ANKS1B: variants seen among roughly 807,000 people sequenced by gnomAD.
ANKS1B encodes ankyrin repeat and sterile alpha motif domain-containing protein 1B.
In ANKS1B, 36 loss-of-function variants were observed where a neutral mutation model predicts 148.3. That is an observed-to-expected ratio of 0.24 (90% CI 0.19 to 0.32). ANKS1B has a LOEUF of 0.32. ANKS1B is among the 10% of genes least tolerant of loss of function. The pLI, the probability that ANKS1B is intolerant of heterozygous loss-of-function variation, is 1.00. For synonymous variants in ANKS1B, 542 were observed against 560.8 expected (o/e 0.97, Z 0.47); for missense variants, 1,157 against 1,542.6 (o/e 0.75, Z 4.19).
intron 12 of ANKS1B, among the ~76,000 whole-genome samples, chr12:99,320,710 C>A (rs2085093498): frequency 6.6e-6 from 1 of 152,184 alleles, no homozygotes; most frequent in African/African-American, 2.4e-5. Context: ...TCATCAAAGT[C>A]ATTTTCCGTT....
intron 8 of ANKS1B, among the ~76,000 whole-genome samples, chr12:99,756,483 C>T (rs1297567761): frequency 1.3e-5 from 2 of 151,950 alleles, no homozygotes; most frequent in African/African-American, 4.8e-5. Context: ...GAATCAATAT[C>T]GTGAAAATGG....
chr12:98,877,247 T>C (rs181820882), intron 17 of ANKS1B, among the ~76,000 whole-genome samples: 67 of 152,332 alleles, frequency 4.4e-4, no homozygotes, highest in African/African-American at 1.6e-3. Flanking sequence ...GGAAATTCTG[T>C]CTAAGAAGGA....
intron 1 of ANKS1B, among the ~76,000 whole-genome samples, chr12:99,963,152 G>A (rs1224796518): frequency 6.6e-6 from 1 of 152,186 alleles, no homozygotes; most frequent in Non-Finnish European, 1.5e-5. Flanking sequence ...CCACGTAAAT[G>A]TCTTCTTTTG....
At chr12:99,265,251 G>C (rs957022405) in intron 12 of ANKS1B, among the ~76,000 whole-genome samples, 1 of 152,120 alleles carries the variant, frequency 6.6e-6, no homozygotes, top group Non-Finnish European at 1.5e-5. Context: ...AAAATTCTTA[G>C]GCCTTGCTCT....
chr12:99,456,207 C>T (rs2095845604), intron 10 of ANKS1B, among the ~76,000 whole-genome samples: 1 of 152,054 alleles, frequency 6.6e-6, no homozygotes, highest in Non-Finnish European at 1.5e-5. Context: ...AAGCCCCATC[C>T]CTAGGGGAAA....
chr12:99,213,437 C>A (rs1004285697), intron 14 of ANKS1B, among the ~76,000 whole-genome samples: 2 of 152,190 alleles, frequency 1.3e-5, no homozygotes, highest in Non-Finnish European at 2.9e-5. Context: ...CGAAGTCTAG[C>A]AGCACTGGGG....
chr12:99,343,566 T>C (rs1235906309), intron 12 of ANKS1B, among the ~76,000 whole-genome samples: 1 of 152,062 alleles, frequency 6.6e-6, no homozygotes, highest in African/African-American at 2.4e-5. Context: ...TCTCAGCATC[T>C]ACAACCTTTT....
At chr12:99,521,672 T>C (rs2096876150) in intron 9 of ANKS1B, among the ~76,000 whole-genome samples, 2 of 152,194 alleles carry the variant, frequency 1.3e-5, no homozygotes, top group African/African-American at 4.8e-5. Context: ...GCAGAGACTC[T>C]TGTTCTCTTT....
At chr12:99,592,853 G>A (rs1232774488) in intron 9 of ANKS1B, among the ~76,000 whole-genome samples, 2 of 152,074 alleles carry the variant, frequency 1.3e-5, no homozygotes, top group Non-Finnish European at 2.9e-5. Context: ...ATACCTGAAA[G>A]ATATACATTG....
At chr12:99,301,286 C>A (rs1487603664) in intron 12 of ANKS1B, among the ~76,000 whole-genome samples, 1 of 152,178 alleles carries the variant, frequency 6.6e-6, no homozygotes, top group Non-Finnish European at 1.5e-5. Context: ...CCCACATAGA[C>A]ATACACAGAA....
At chr12:99,307,741 C>T (rs2082552471) in intron 12 of ANKS1B, among the ~76,000 whole-genome samples, 4 of 151,456 alleles carry the variant, frequency 2.6e-5, no homozygotes, top group Admixed American at 1.3e-4. Context: ...CAAGAATTGA[C>T]ATGCTGATAT....
intron 14 of ANKS1B, among the ~76,000 whole-genome samples, chr12:99,190,486 A>G (rs1160640869): frequency 6.6e-6 from 1 of 152,202 alleles, no homozygotes; most frequent in Admixed American, 6.5e-5. Context: ...TATTGTTACA[A>G]AAACAGATAT....
intron 17 of ANKS1B, among the ~76,000 whole-genome samples, chr12:98,930,776 T>C (rs2099813012): frequency 6.6e-6 from 1 of 152,048 alleles, no homozygotes; most frequent in African/African-American, 2.4e-5. Flanking sequence ...ATGGGGTGTC[T>C]TTTGGGGATG....
At chr12:99,334,767 G>A (rs930892969) in intron 12 of ANKS1B, among the ~76,000 whole-genome samples, 2 of 152,004 alleles carry the variant, frequency 1.3e-5, no homozygotes, top group Admixed American at 6.6e-5. Flanking sequence ...ACTTAAAAAA[G>A]CATAAATTTT....
At chr12:99,738,149 A>G (rs2059783602) in intron 8 of ANKS1B, among the ~76,000 whole-genome samples, 1 of 152,198 alleles carries the variant, frequency 6.6e-6, no homozygotes, top group Non-Finnish European at 1.5e-5. Context: ...TGTTCCCAGT[A>G]TCATATAGGT....
chr12:98,753,873 G>C (rs1291153955), intron 25 of ANKS1B, among the ~76,000 whole-genome samples: 1 of 152,168 alleles, frequency 6.6e-6, no homozygotes, highest in Admixed American at 6.5e-5. Context: ...AAGCGCTCTG[G>C]GAGCCCGATT....
chr12:99,928,688 T>C (rs928268229), intron 1 of ANKS1B, among the ~76,000 whole-genome samples: 2 of 152,214 alleles, frequency 1.3e-5, no homozygotes, highest in African/African-American at 4.8e-5. Context: ...GTAGCATAAT[T>C]GTGAATAAGC....
At chr12:99,003,293 A>G (rs987322196) in intron 17 of ANKS1B, among the ~76,000 whole-genome samples, 2 of 152,290 alleles carry the variant, frequency 1.3e-5, no homozygotes, top group Admixed American at 1.3e-4. Context: ...TTCTTTCTCA[A>G]AATTATTCCG....
chr12:99,344,005 A>G (rs2090307088), intron 12 of ANKS1B, among the ~76,000 whole-genome samples: 1 of 152,078 alleles, frequency 6.6e-6, no homozygotes. Flanking sequence ...TAACACTCAA[A>G]TAAACTATTC....
Sources: gnomAD v4.1 joint callset for allele counts (sites outside exome capture counted in the v4.1 genomes callset) on GRCh38, gnomAD v4.1.1 for gene constraint, MANE v1.5 for transcripts, NCBI Gene and HGNC (gene_info 2026-07-23, HGNC 2026-07-21) for gene names.